Variants in POR observed in about 807,000 individuals in gnomAD.
POR encodes cytochrome p450 oxidoreductase, also known as NADPH--cytochrome P450 reductase.
Under a neutral mutation model 84.0 loss-of-function variants are expected in POR, and 56 were observed. That is an observed-to-expected ratio of 0.67 (90% CI 0.54 to 0.83). POR has a LOEUF of 0.83. Ranked by LOEUF, POR falls within the 40% of genes least tolerant of loss-of-function variation. POR has a pLI of 0.00. For synonymous variants in POR, 414 were observed against 400.5 expected, an observed-to-expected ratio of 1.03 and a Z score of -0.40; for missense variants, 938 against 944.3, an observed-to-expected ratio of 0.99 and a Z score of 0.09.
chr7:75,964,263 G>A (rs1554554896), intron 2 of POR, among the ~76,000 whole-genome samples: 1 of 152,090 alleles, frequency 6.6e-6, no homozygotes, highest in African/African-American at 2.4e-5. Context: ...GCCTCCCAAA[G>A]TGTTGGGATT....
intron 1 of POR, among the ~76,000 whole-genome samples, chr7:75,952,440 G>A (rs1480638233): frequency 6.1e-5 from 9 of 147,284 alleles, no homozygotes; most frequent in African/African-American, 9.9e-5. Flanking sequence ...CCTCCCGGAC[G>A]GAGCGGCTGG....
chr7:75,922,993 T>A, intron 1 of POR: 2 of 673,718 alleles, frequency 3.0e-6, no homozygotes, highest in Non-Finnish European at 5.3e-6. Flanking sequence ...CACCTTGGAA[T>A]CGCCAGATAA....
rs1482731983 is a variant in POR at position 75,979,545 on chromosome 7, G to A, written c.332G>A (p.Arg111Gln). The change falls in exon 4 of 16, where the codon CGA becomes CAA. Residue 111 changes from arginine to glutamine, a missense_variant. Physicochemically the swap from Arg to Gln is conservative, Grantham distance 43 (BLOSUM62 1). Transcript: ENST00000461988. ...AAGGACGCCCACCGCTACGGGATGCGAGGCATGTCAGCGGACCCTGAGGAG... is the reference window on the plus strand; with the variant it reads ...AAGGACGCCCACCGCTACGGGATGCAAGGCATGTCAGCGGACCCTGAGGAG... 18 of 1,613,516 alleles carry A rather than the reference G, an allele frequency of 1.1e-5. No homozygotes were observed. Among genetic ancestry groups the A allele is most frequent in the Non-Finnish European group, 1.4e-5 (17 of 1,179,866 alleles).
intron 10 of POR, 25 bp downstream of exon 10, chr7:75,983,881 T>A: frequency 1.3e-6 from 2 of 1,560,980 alleles, no homozygotes; most frequent in Non-Finnish European, 1.7e-6. Flanking sequence ...CAGGGCGCCC[T>A]GCCGGGCTCA....
intron 3 of POR, among the ~76,000 whole-genome samples, chr7:75,979,055 C>G (rs1788847541): frequency 6.6e-6 from 1 of 152,236 alleles, no homozygotes; most frequent in Non-Finnish European, 1.5e-5. Context: ...CCTCAGCCTC[C>G]CAAAGTGCTG....
intron 1 of POR, among the ~76,000 whole-genome samples, chr7:75,917,540 G>A (rs1806632518): frequency 6.6e-6 from 1 of 151,954 alleles, no homozygotes; most frequent in Non-Finnish European, 1.5e-5. Context: ...CACCGTGTGT[G>A]GCCTCAATTG....
rs1787399057 is a variant in POR, at chr7:75,951,083, A to T, written c.-4-2906A>T. Among the ~76,000 whole-genome samples, 3 of 92,658 alleles carry T rather than the reference A, an allele frequency of 3.2e-5. No individual in the cohort carries two copies. The Admixed American group carries it at 3.9e-4, about 12-fold the overall frequency. The allele number at this position is 92,658 out of a possible 152,430, so 60.8% of individuals were successfully genotyped here. A position where few individuals can be genotyped will look rare whatever the true frequency, so the allele number is the denominator to read the frequency against. ...CCCGGCCCCCCCCCCCCCCGAAAAA[A>T]AAAAAGTCATATCAAAAAAGCCAAG... On this transcript the variant is annotated intron_variant, in intron 1 of 15. Coordinates refer to ENST00000461988, the MANE Select transcript of POR (RefSeq NM_000941.3).
chr7:75,963,927 C>T (rs943598827), intron 2 of POR, among the ~76,000 whole-genome samples: 2 of 151,986 alleles, frequency 1.3e-5, no homozygotes. Flanking sequence ...ATTTTTTTCC[C>T]CAGCTTTATT....
Position 75,946,149 on chromosome 7 carries a change from T to A in POR, c.-4-7840T>A, listed in dbSNP as rs559039768. On this transcript the variant is annotated intron_variant, in intron 1 of 15. Transcript: ENST00000461988. Reference sequence around the variant, plus strand: ...GAATCGTGGTCAAGCTATACATGCATAGTTTTTACCCTTCTCTGTATGTTG... The same window carrying A: ...GAATCGTGGTCAAGCTATACATGCAAAGTTTTTACCCTTCTCTGTATGTTG... 1.1e-4 allele frequency among the ~76,000 whole-genome samples: 17 copies of A among 150,384 alleles called. No individual in the cohort carries two copies. The South Asian group carries it at 3.5e-3, about 31-fold the overall frequency.
At chr7:75,949,550 C>A (rs932573857) in intron 1 of POR, among the ~76,000 whole-genome samples, 13 of 151,820 alleles carry the variant, frequency 8.6e-5, no homozygotes, top group Admixed American at 6.6e-5. Flanking sequence ...TGTTCTCCAG[C>A]ACTCCAGGCT....
At position 75,981,926 on chromosome 7, in the gene POR, G is replaced by C. The variant is rs1789071922; in HGVS notation, c.732-298G>C. On this transcript the variant is annotated intron_variant, in intron 7 of 15. Coordinates refer to ENST00000461988, the MANE Select transcript of POR (RefSeq NM_000941.3). ...GGCCAAAAACATAACGTTCCTCTCT[G>C]TGCCCTTGATGGCCCCTGGGTGCTG... 3 of 567,596 alleles carry C rather than the reference G, an allele frequency of 5.3e-6. No homozygotes were observed. The South Asian group carries it at 6.6e-5, about 12-fold the overall frequency. 35.2% of individuals were successfully genotyped at this position (567,596 alleles called of 1,614,324 possible). A position where few individuals can be genotyped will look rare whatever the true frequency, so the allele number is the denominator to read the frequency against.
chr7:75,921,252 G>C (rs1337149017), intron 1 of POR: 1 of 143,258 alleles, frequency 7.0e-6, no homozygotes, highest in Non-Finnish European at 1.5e-5. Context: ...ACCAAGTCCT[G>C]TAAGTTTTTA....
intron 2 of POR, among the ~76,000 whole-genome samples, chr7:75,964,041 C>T (rs564640987): frequency 6.6e-6 from 1 of 151,632 alleles, no homozygotes; most frequent in African/African-American, 2.4e-5. Flanking sequence ...ACTCTGTGGC[C>T]CAGGCTGGAG....
intron 2 of POR, chr7:75,968,372 G>C: frequency 4.7e-6 from 2 of 424,240 alleles, no homozygotes; most frequent in South Asian, 3.3e-5. Context: ...CTTGCACGCT[G>C]CATTTCCCTG....
intron 1 of POR, among the ~76,000 whole-genome samples, chr7:75,923,747 G>A (rs1806982057): frequency 6.6e-6 from 1 of 152,100 alleles, no homozygotes. Context: ...AATTAGCTGA[G>A]CGTGGTGGCA....
chr7:75,963,557 T>C (rs560849081), intron 2 of POR, among the ~76,000 whole-genome samples: 1 of 152,302 alleles, frequency 6.6e-6, no homozygotes, highest in East Asian at 1.9e-4. Flanking sequence ...CTGACTTCAC[T>C]GGGCCCTGTC....
At chr7:75,931,879 G>T (rs116971685) in intron 1 of POR, among the ~76,000 whole-genome samples, 3,706 of 152,254 alleles carry the variant, frequency 0.024, 63 homozygotes, top group Non-Finnish European at 0.04. Flanking sequence ...AAAAGCTGAG[G>T]CCACTACTCG....
intron 1 of POR, among the ~76,000 whole-genome samples, chr7:75,941,461 C>G (rs1282864508): frequency 1.3e-5 from 2 of 152,114 alleles, no homozygotes; most frequent in Non-Finnish European, 2.9e-5. Flanking sequence ...GGTCAAGTAA[C>G]CCGTTCAGAC....
intron 3 of POR, among the ~76,000 whole-genome samples, chr7:75,977,798 G>A (rs1294331226): frequency 6.6e-6 from 1 of 151,738 alleles, no homozygotes; most frequent in Non-Finnish European, 1.5e-5. Flanking sequence ...ATAAAAAAAA[G>A]AAAAGAAAAA....
Sources: allele counts gnomAD v4.1 joint callset (sites outside exome capture counted in the v4.1 genomes callset), GRCh38; gene constraint gnomAD v4.1.1; transcripts MANE v1.5; gene names NCBI Gene and HGNC (gene_info 2026-07-23, HGNC 2026-07-21).